The following CEP83 variants were observed in gnomAD, a reference collection of about 807,000 sequenced individuals.
The protein encoded by CEP83 is centrosomal protein of 83 kDa.
In CEP83, 70 loss-of-function variants were observed where a neutral mutation model predicts 101.9. That is an observed-to-expected ratio of 0.69 (90% CI 0.57 to 0.84). The LOEUF (loss-of-function observed/expected upper bound fraction) is 0.84, where lower values mean the gene tolerates loss of function less well. Among genes scored for constraint, CEP83 ranks in the 40% least tolerant of loss-of-function variants. CEP83 has a pLI of 0.00. For missense variants in CEP83, 715 were observed against 787.2 expected (o/e 0.91, Z 1.10); for synonymous variants, 264 against 267.9 (o/e 0.99, Z 0.14).
chr12:94,336,691 G>T (rs967082019), intron 11 of CEP83, among the ~76,000 whole-genome samples: 1 of 152,160 alleles, frequency 6.6e-6, no homozygotes, highest in Non-Finnish European at 1.5e-5. Context: ...TCTAAAGAGG[G>T]CCAGTCCTTT....
chr12:94,412,693 C>CTTT (rs11330562), intron 2 of CEP83, 102 bp from the exon 3 acceptor site: 34 of 213,872 alleles, frequency 1.6e-4, no homozygotes, highest in East Asian at 5.7e-4. Context: ...TTTTTTTTTT[C>CTTT]TTTTTTTTTT....
chr12:94,393,220 T>C (rs1323584509), intron 6 of CEP83, among the ~76,000 whole-genome samples: 1 of 151,960 alleles, frequency 6.6e-6, no homozygotes, highest in Non-Finnish European at 1.5e-5. Context: ...GATGCGAAAA[T>C]CCTCAATAAA....
At chr12:94,346,116 C>A (rs765720299) in intron 11 of CEP83, among the ~76,000 whole-genome samples, 10 of 152,072 alleles carry the variant, frequency 6.6e-5, no homozygotes, top group Non-Finnish European at 1.3e-4. Flanking sequence ...AATGGCCAAT[C>A]TCGGCTCACT....
intron 11 of CEP83, among the ~76,000 whole-genome samples, chr12:94,342,211 ACT>A (rs1385718204): frequency 2.6e-5 from 4 of 152,264 alleles, no homozygotes; most frequent in East Asian, 3.9e-4. Context: ...CAGATCAAGA[ACT>A]CTGTCTCAAA....
chr12:94,330,047 G>A (rs765162883), intron 14 of CEP83, among the ~76,000 whole-genome samples: 1 of 152,116 alleles, frequency 6.6e-6, no homozygotes, highest in Admixed American at 6.5e-5. Flanking sequence ...AGGAACTGCT[G>A]TGTGGTTTTC....
chr12:94,409,061 C>A (rs2063723378), intron 4 of CEP83, among the ~76,000 whole-genome samples: 1 of 151,706 alleles, frequency 6.6e-6, no homozygotes, highest in Non-Finnish European at 1.5e-5. Context: ...TGTAGGCAGA[C>A]TAGATAATGC....
chr12:94,358,127 A>G lies in CEP83; in HGVS notation c.1343+9667T>C, dbSNP rs542192384. ...CAATTTAACATAGTTGAAGTTGGTA[A>G]AGTCACTGAAGTATATCAAAGTAGT... On this transcript the variant is annotated intron_variant, in intron 11 of 16. Coordinates refer to ENST00000397809, the MANE Select transcript of CEP83 (RefSeq NM_016122.3). 3.5e-4 allele frequency among the ~76,000 whole-genome samples: 53 copies of G among 152,322 alleles called. No homozygotes were observed. In the Middle Eastern group the frequency reaches 0.01, roughly 29 times the overall value.
In CEP83 at chr12:94,375,944, G is replaced by A. The variant is rs1307038465; in HGVS notation, c.875C>T (p.Thr292Ile). The A allele has an allele frequency of 6.5e-7, 1 of 1,541,096 alleles. No individual in the cohort carries two copies. The highest frequency in any genetic ancestry group is 8.9e-7 in the Non-Finnish European group (1 of 1,128,962). Residue 292 changes from threonine (T) to isoleucine (I), a missense_variant, in exon 8 of 17, where the codon ACC becomes ATC. Physicochemically the swap from Thr to Ile is moderately conservative, Grantham distance 89. Coordinates refer to ENST00000397809, the MANE Select transcript of CEP83 (RefSeq NM_016122.3). ...KELQSSSEQNTFLINKLHKAE... is the reference protein window; with the variant it reads ...KELQSSSEQNIFLINKLHKAE... ...TTTATGCAATTTATTAATTAAAAAGGTATTTTGTTCACTGCTTGATTGTAG... is the reference window on the plus strand; with the variant it reads ...TTTATGCAATTTATTAATTAAAAAGATATTTTGTTCACTGCTTGATTGTAG...
chr12:94,441,914 C>CG (rs2066433462), intron 1 of CEP83, among the ~76,000 whole-genome samples: 1 of 61,848 alleles, frequency 1.6e-5, no homozygotes, highest in African/African-American at 5.9e-5. Context: ...GACTCCGTCT[C>CG]AAAAAAAAAA....
intron 6 of CEP83, among the ~76,000 whole-genome samples, chr12:94,389,902 C>A (rs571023269): frequency 1.3e-5 from 2 of 152,312 alleles, no homozygotes; most frequent in East Asian, 3.9e-4. Context: ...CGAGGCGGCA[C>A]CCTGGCAGGG....
At chr12:94,409,161 T>C (rs561006451) in intron 4 of CEP83, among the ~76,000 whole-genome samples, 7 of 152,200 alleles carry the variant, frequency 4.6e-5, no homozygotes, top group African/African-American at 1.7e-4. Context: ...ACTTACAATT[T>C]GCGCAAATTG....
chr12:94,335,506 G>T, intron 12 of CEP83, 83 bp downstream of exon 12: 1 of 828,074 alleles, frequency 1.2e-6, no homozygotes, highest in Non-Finnish European at 2.0e-6. Context: ...AATACTGATG[G>T]CAAAATTTTT....
chr12:94,314,544 C>T (rs562522105), intron 14 of CEP83, among the ~76,000 whole-genome samples: 1 of 152,198 alleles, frequency 6.6e-6, no homozygotes, highest in Non-Finnish European at 1.5e-5. Context: ...AGATATACTT[C>T]ATTCATTCCC....
chr12:94,279,853 G>A, the CEP83 span: 17 of 694,576 alleles, frequency 2.4e-5, no homozygotes, highest in African/African-American at 1.9e-4. Context: ...AAGGAAGCAC[G>A]GTCCTTCAAA....
intron 12 of CEP83, 143 bp from the exon 13 acceptor site, chr12:94,333,782 A>G: frequency 1.5e-6 from 1 of 664,294 alleles, no homozygotes; most frequent in South Asian, 1.9e-5. Flanking sequence ...TAAAGGAAAT[A>G]ACAAATAGCA....
intron 1 of CEP83, among the ~76,000 whole-genome samples, chr12:94,444,172 G>A (rs1179555361): frequency 6.6e-6 from 1 of 152,180 alleles, no homozygotes; most frequent in Non-Finnish European, 1.5e-5. Context: ...ACCGAGGTGG[G>A]CAGATCACCT....
intron 4 of CEP83, among the ~76,000 whole-genome samples, chr12:94,407,542 C>T (rs1454871138): frequency 3.9e-5 from 6 of 152,202 alleles, no homozygotes; most frequent in Non-Finnish European, 7.3e-5. Context: ...GTGCACCTCA[C>T]CACTGGCCTG....
At chr12:94,285,158 AGAGAAGACAG>A in the CEP83 span, among the ~76,000 whole-genome samples, 1 of 152,160 alleles carries the variant, frequency 6.6e-6, no homozygotes, top group East Asian at 1.9e-4. Context: ...GTGCTTTCCT[AGAGAAGACAG>A]GAGGAGGAGC....
intron 2 of CEP83, among the ~76,000 whole-genome samples, chr12:94,416,220 T>C (rs1322426284): frequency 2.0e-5 from 3 of 152,182 alleles, no homozygotes; most frequent in Admixed American, 6.5e-5. Flanking sequence ...GGAACAGATA[T>C]ACATTTTCCT....
Sources: gnomAD v4.1 joint callset for allele counts (sites outside exome capture counted in the v4.1 genomes callset) on GRCh38, gnomAD v4.1.1 for gene constraint, MANE v1.5 for transcripts, NCBI Gene and HGNC (gene_info 2026-07-23, HGNC 2026-07-21) for gene names.